HMGCLL1: variants seen among roughly 807,000 people sequenced by gnomAD.
HMGCLL1 encodes 3-hydroxymethyl-3-methylglutaryl-CoA lyase, cytoplasmic.
A neutral mutation model predicts 39.1 loss-of-function variants in HMGCLL1; 36 were observed. That is an observed-to-expected ratio of 0.92 (90% CI 0.71 to 1.22). The LOEUF (loss-of-function observed/expected upper bound fraction) is 1.22, where lower values mean the gene tolerates loss of function less well. Among genes scored for constraint, HMGCLL1 ranks in the 50% most tolerant of loss-of-function variants. The probability of loss-of-function intolerance (pLI) is 0.00; values close to 1 mark genes in which losing one functional copy is unlikely to be tolerated. For missense variants in HMGCLL1, 451 were observed against 416.5 expected (o/e 1.08, Z -0.72); for synonymous variants, 149 against 144.0 (o/e 1.03, Z -0.25).
the HMGCLL1 span, among the ~76,000 whole-genome samples, chr6:55,617,353 A>G: frequency 6.6e-6 from 1 of 152,106 alleles, no homozygotes; most frequent in Non-Finnish European, 1.5e-5. Context: ...ACCGCATGCT[A>G]AAAGAGACAT....
At chr6:55,586,400 T>TC in the HMGCLL1 span, among the ~76,000 whole-genome samples, 10 of 151,346 alleles carry the variant, frequency 6.6e-5, no homozygotes, top group Non-Finnish European at 1.5e-5. Context: ...GAAATCAGTT[T>TC]TTTTTTTATT....
the HMGCLL1 span, among the ~76,000 whole-genome samples, chr6:55,623,205 A>G: frequency 6.6e-6 from 1 of 151,720 alleles, no homozygotes; most frequent in Non-Finnish European, 1.5e-5. Flanking sequence ...AAAACTTTTA[A>G]TTTTGGTGAT....
intron 7 of HMGCLL1, among the ~76,000 whole-genome samples, chr6:55,454,615 G>A (rs1034094618): frequency 6.6e-6 from 1 of 152,126 alleles, no homozygotes; most frequent in Non-Finnish European, 1.5e-5. Flanking sequence ...TCATGGTTTG[G>A]GTACCATCAC....
chr6:55,591,799 C>A, the HMGCLL1 span, among the ~76,000 whole-genome samples: 1 of 151,458 alleles, frequency 6.6e-6, no homozygotes, highest in African/African-American at 2.4e-5. Context: ...ATAATGGAAT[C>A]CTTTTCTTAC....
the HMGCLL1 span, among the ~76,000 whole-genome samples, chr6:55,638,638 T>C: frequency 3.9e-5 from 6 of 152,148 alleles, no homozygotes; most frequent in Non-Finnish European, 7.4e-5. Context: ...GAAAGTCATG[T>C]TGTCTTCTTG....
chr6:55,463,028 T>A (rs908831834), intron 7 of HMGCLL1, among the ~76,000 whole-genome samples: 25 of 105,654 alleles, frequency 2.4e-4, no homozygotes, highest in Admixed American at 1.6e-3. Context: ...CTTTTTTCTT[T>A]CTTTTTTTTT....
At chr6:55,488,048 C>T (rs1210170359) in intron 7 of HMGCLL1, among the ~76,000 whole-genome samples, 2 of 151,970 alleles carry the variant, frequency 1.3e-5, no homozygotes, top group Non-Finnish European at 2.9e-5. Flanking sequence ...CACACACATA[C>T]AAACATACAC....
the HMGCLL1 span, among the ~76,000 whole-genome samples, chr6:55,676,631 A>AT: frequency 1.3e-5 from 2 of 152,146 alleles, no homozygotes; most frequent in East Asian, 3.9e-4. Context: ...TGCTGAGCAT[A>AT]TTTTTTACAG....
intron 7 of HMGCLL1, among the ~76,000 whole-genome samples, chr6:55,475,930 T>C (rs1765264888): frequency 1.3e-5 from 2 of 151,028 alleles, no homozygotes; most frequent in East Asian, 3.9e-4. Flanking sequence ...TCAGCTCTCT[T>C]TTCTTTGTGG....
the HMGCLL1 span, among the ~76,000 whole-genome samples, chr6:55,593,254 C>T: frequency 6.6e-6 from 1 of 152,068 alleles, no homozygotes; most frequent in East Asian, 1.9e-4. Context: ...AAGCTGCTTA[C>T]ATGCTTTATT....
the HMGCLL1 span, among the ~76,000 whole-genome samples, chr6:55,626,941 T>C: frequency 1.3e-4 from 19 of 150,958 alleles, no homozygotes; most frequent in African/African-American, 4.6e-4. Context: ...TCTCTTAGTA[T>C]TACTATGCCC....
chr6:55,544,086 C>T (rs1769811237), intron 1 of HMGCLL1, among the ~76,000 whole-genome samples: 1 of 152,022 alleles, frequency 6.6e-6, no homozygotes, highest in Non-Finnish European at 1.5e-5. Context: ...AAAGACAGAC[C>T]TATTCCTAGT....
chr6:55,637,958 A>C, the HMGCLL1 span, among the ~76,000 whole-genome samples: 1 of 152,168 alleles, frequency 6.6e-6, no homozygotes, highest in Non-Finnish European at 1.5e-5. Context: ...TGTATTATCC[A>C]TATTACTGTC....
chr6:55,663,779 T>C, the HMGCLL1 span, among the ~76,000 whole-genome samples: 4 of 151,862 alleles, frequency 2.6e-5, no homozygotes, highest in Admixed American at 2.6e-4. Flanking sequence ...AGTATTGATG[T>C]CTCCCACTAT....
At chr6:55,477,346 T>TAATATAATATATA (rs1765463448) in intron 7 of HMGCLL1, among the ~76,000 whole-genome samples, 1 of 30,184 alleles carries the variant, frequency 3.3e-5, no homozygotes, top group Non-Finnish European at 5.2e-5. Flanking sequence ...ATATATTATA[T>TAATATAATATATA]TTAGATAATA....
intron 7 of HMGCLL1, among the ~76,000 whole-genome samples, chr6:55,464,703 C>T (rs1764724938): frequency 6.6e-6 from 1 of 152,036 alleles, no homozygotes; most frequent in Non-Finnish European, 1.5e-5. Context: ...CTTCCCCTAC[C>T]CTCTCCTTCT....
intron 3 of HMGCLL1, among the ~76,000 whole-genome samples, chr6:55,519,754 A>G (rs1767940286): frequency 6.6e-6 from 1 of 152,132 alleles, no homozygotes; most frequent in Non-Finnish European, 1.5e-5. Context: ...TATTCTCATG[A>G]TAACAAAAGT....
At chr6:55,511,071 C>A (rs1437786116) in intron 5 of HMGCLL1, among the ~76,000 whole-genome samples, 1 of 151,726 alleles carries the variant, frequency 6.6e-6, no homozygotes, top group Non-Finnish European at 1.5e-5. Flanking sequence ...TCCTGGCAAG[C>A]CAATAGATAT....
At chr6:55,646,707 ATTC>A in the HMGCLL1 span, among the ~76,000 whole-genome samples, 2 of 152,122 alleles carry the variant, frequency 1.3e-5, no homozygotes, top group East Asian at 3.9e-4. Context: ...AGCTGCAAAA[ATTC>A]TTCTTGTTAT....
Sources: allele counts gnomAD v4.1 joint callset (sites outside exome capture counted in the v4.1 genomes callset), GRCh38; gene constraint gnomAD v4.1.1; transcripts MANE v1.5; gene names NCBI Gene and HGNC (gene_info 2026-07-23, HGNC 2026-07-21).